The following ODR4 variants were observed in gnomAD, a reference collection of about 807,000 sequenced individuals.
The protein encoded by ODR4 is odr-4 GPCR localization factor homolog.
ODR4 carries 47 observed loss-of-function variants against 60.2 expected under a neutral mutation model. That is an observed-to-expected ratio of 0.78 (90% CI 0.62 to 1.00). The LOEUF is 1.00. Among genes scored for constraint, ODR4 ranks in the 50% least tolerant of loss-of-function variants. The pLI, the probability that ODR4 is intolerant of heterozygous loss-of-function variation, is 0.00. For missense variants in ODR4, 488 were observed against 530.8 expected (o/e 0.92, Z 0.79); for synonymous variants, 178 against 175.5 (o/e 1.01, Z -0.11).
intron 6 of ODR4, among the ~76,000 whole-genome samples, chr1:186,390,296 T>C (rs886744379): frequency 1.1e-4 from 16 of 152,174 alleles, no homozygotes; most frequent in African/African-American, 3.9e-4. Flanking sequence ...AAAAGGGTTG[T>C]GAAAAAGTAA....
At chr1:186,379,926 C>A in intron 2 of ODR4, 42 bp downstream of exon 2, 1 of 1,120,964 alleles carries the variant, frequency 8.9e-7, no homozygotes, top group South Asian at 1.6e-5. Context: ...AATAATTACT[C>A]TGTAATTTAT....
At chr1:186,386,116 A>G in intron 4 of ODR4, 33 bp downstream of exon 4, 1 of 1,241,936 alleles carries the variant, frequency 8.1e-7, no homozygotes, top group African/African-American at 1.5e-5. Context: ...TCTTAATGAA[A>G]TCAGTTATAT....
At chr1:186,384,281 G>C (rs1441616560) in intron 3 of ODR4, among the ~76,000 whole-genome samples, 1 of 151,482 alleles carries the variant, frequency 6.6e-6, no homozygotes, top group Non-Finnish European at 1.5e-5. Context: ...AAGGGGTTGG[G>C]AGGTGCTAGG....
intron 11 of ODR4, among the ~76,000 whole-genome samples, chr1:186,403,485 A>C (rs1453231354): frequency 6.6e-6 from 1 of 152,062 alleles, no homozygotes; most frequent in East Asian, 1.9e-4. Context: ...AAGATCTTAT[A>C]GATGCTGTAA....
chr1:186,383,320 C>G (rs142853414), intron 3 of ODR4, among the ~76,000 whole-genome samples, 164 bp downstream of exon 3: 3,354 of 151,994 alleles, frequency 0.022, 57 homozygotes, highest in Middle Eastern at 0.068. Context: ...TGGCATTACA[C>G]GAGGAAGAAA....
intron 12 of ODR4, among the ~76,000 whole-genome samples, chr1:186,415,303 T>G (rs767582182): frequency 3.9e-5 from 6 of 152,190 alleles, no homozygotes; most frequent in South Asian, 2.1e-4. Context: ...GTATCATATA[T>G]ACCTATTTCA....
At chr1:186,414,021 T>C (rs1326209936) in intron 12 of ODR4, among the ~76,000 whole-genome samples, 2 of 152,226 alleles carry the variant, frequency 1.3e-5, no homozygotes, top group Non-Finnish European at 2.9e-5. Flanking sequence ...TCTAGTGTTC[T>C]ATTGAATCAC....
At chr1:186,394,091 C>T (rs1660577295) in intron 9 of ODR4, 76 bp downstream of exon 9, 2 of 891,790 alleles carry the variant, frequency 2.2e-6, no homozygotes, top group African/African-American at 3.4e-5. Flanking sequence ...TTATTTTTCT[C>T]ATTAGAGAAT....
At chr1:186,378,909 T>C (rs952946675) in intron 1 of ODR4, among the ~76,000 whole-genome samples, 2 of 152,272 alleles carry the variant, frequency 1.3e-5, no homozygotes, top group African/African-American at 4.8e-5. Context: ...TAACTCTTAC[T>C]GTAGTATGTA....
At chr1:186,396,379 CA>C (rs1205253500) in intron 9 of ODR4, among the ~76,000 whole-genome samples, 5 of 152,118 alleles carry the variant, frequency 3.3e-5, no homozygotes, top group African/African-American at 1.2e-4. Context: ...GAGGCCTAGG[CA>C]GGGTGATCGC....
chr1:186,419,382 T>G lies in ODR4; in HGVS notation c.*306T>G. Reference sequence around the variant, plus strand: ...TGGGATATGATCATAGATTTTAGTCTTACTAATCTGAATCACATATTAATC... The same window carrying G: ...TGGGATATGATCATAGATTTTAGTCGTACTAATCTGAATCACATATTAATC... On this transcript the variant is annotated 3_prime_UTR_variant, in exon 14 of 14. Transcript: ENST00000287859. 1 of 338,542 alleles carries G rather than the reference T, an allele frequency of 3.0e-6. No homozygotes were observed. The allele number at this position is 338,542 out of a possible 1,614,324, so 21.0% of individuals were successfully genotyped here. A position where few individuals can be genotyped will look rare whatever the true frequency, so the allele number is the denominator to read the frequency against.
chr1:186,419,055 C>G lies in ODR4; in HGVS notation c.1344C>G (p.Ser448=). 6.2e-7 allele frequency: 1 copy of G among 1,610,854 alleles called. No individual in the cohort carries two copies. The highest frequency in any genetic ancestry group is 8.5e-7 in the Non-Finnish European group (1 of 1,178,416). The change falls in exon 14 of 14, where the codon TCC becomes TCG. Residue 448 remains serine (S), a synonymous_variant. Coordinates refer to ENST00000287859, the MANE Select transcript of ODR4 (RefSeq NM_017847.6). ...FTVAVLAAGI[S]FHYFSD is the part of the protein sequence containing the mutation. Reference sequence around the variant, plus strand: ...TTGCAGTCCTTGCTGCGGGTATCTCCTTTCATTACTTCAGTGATTAGGGTG... The same window carrying G: ...TTGCAGTCCTTGCTGCGGGTATCTCGTTTCATTACTTCAGTGATTAGGGTG...
downstream of ODR4, among the ~76,000 whole-genome samples, chr1:186,423,261 TTACTGA>T (rs1219378290): frequency 6.6e-6 from 1 of 152,078 alleles, no homozygotes; most frequent in Non-Finnish European, 1.5e-5. Flanking sequence ...TTGATATAAC[TTACTGA>T]TATTAAATCA....
chr1:186,417,348 A>C, intron 12 of ODR4, 196 bp from the exon 13 acceptor site: 1 of 500,794 alleles, frequency 2.0e-6, no homozygotes, highest in East Asian at 3.8e-5. Context: ...TTGTTTTGAA[A>C]ACTGTTAATT....
At chr1:186,385,309 T>C (rs1660211485) in intron 3 of ODR4, among the ~76,000 whole-genome samples, 1 of 148,298 alleles carries the variant, frequency 6.7e-6, no homozygotes, top group Non-Finnish European at 1.5e-5. Context: ...AGATCTAGTA[T>C]GCTGCTAAAA....
intron 4 of ODR4, among the ~76,000 whole-genome samples, chr1:186,388,045 A>G (rs1660318420): frequency 6.6e-6 from 1 of 152,238 alleles, no homozygotes; most frequent in Non-Finnish European, 1.5e-5. Flanking sequence ...TATAGTTTAT[A>G]TAAATTCTAG....
At chr1:186,406,052 T>C (rs368740798) in intron 11 of ODR4, 31 bp from the exon 12 acceptor site, 4 of 1,427,160 alleles carry the variant, frequency 2.8e-6, no homozygotes, top group Non-Finnish European at 3.8e-6. Flanking sequence ...CAAACCTATC[T>C]AAATATTGAT....
chr1:186,427,185 A>G, the ODR4 span, among the ~76,000 whole-genome samples: 1 of 152,042 alleles, frequency 6.6e-6, no homozygotes, highest in South Asian at 2.1e-4. Context: ...ACATCAATTG[A>G]CTCTTCTTTT....
In ODR4 at chr1:186,390,817, CTT is replaced by C. The variant is rs1351101367; in HGVS notation, c.582_583del (p.Ser195CysfsTer28). 6.2e-7 allele frequency: 1 copy of C among 1,612,976 alleles called. No individual in the cohort carries two copies. Among genetic ancestry groups the C allele is most frequent in the Non-Finnish European group, 8.5e-7 (1 of 1,179,346 alleles). ...AATATTCACATCCCACTTTCTGCTA[CTT>C]CTGTCAGCTATACTCTGGAGAAAAA... On this transcript the variant is annotated frameshift_variant, in exon 7 of 14. Transcript: ENST00000287859. LOFTEE classifies it high-confidence loss of function.
Sources: allele counts gnomAD v4.1 joint callset (sites outside exome capture counted in the v4.1 genomes callset), GRCh38; gene constraint gnomAD v4.1.1; transcripts MANE v1.5; gene names NCBI Gene and HGNC (gene_info 2026-07-23, HGNC 2026-07-21).